ERLIN2: variants seen among roughly 807,000 people sequenced by gnomAD.
The protein encoded by ERLIN2 is erlin-2.
In ERLIN2, 22 loss-of-function variants were observed where a neutral mutation model predicts 41.5. That is an observed-to-expected ratio of 0.53 (90% CI 0.38 to 0.76). The LOEUF is 0.76. Among genes scored for constraint, ERLIN2 ranks in the 30% least tolerant of loss-of-function variants. ERLIN2 has a pLI of 0.00. For missense variants in ERLIN2, 247 were observed against 414.3 expected, an observed-to-expected ratio of 0.60 and a Z score of 3.51; for synonymous variants, 149 against 150.9, an observed-to-expected ratio of 0.99 and a Z score of 0.09.
In ERLIN2 at chr8:37,741,716, G is replaced by A. The variant is rs1802857087; in HGVS notation, c.190-56G>A. On this transcript the variant is annotated intron_variant, in intron 3 of 11. Transcript: ENST00000519638. The surrounding 1 kb of genome is among the most constrained non-coding windows in gnomAD (Gnocchi z 4.8). ...ACAAAGGCATTTAGGATTCTGAAAA[G>A]TAAGTTACTTTGTCACTGCCCATCT... 2 of 1,361,702 alleles carry A rather than the reference G, an allele frequency of 1.5e-6. No individual in the cohort carries two copies. The highest frequency in any genetic ancestry group is 2.1e-6 in the Non-Finnish European group (2 of 949,638). The allele number at this position is 1,361,702 out of a possible 1,614,324, so 84.4% of individuals were successfully genotyped here.
At position 37,736,662 on chromosome 8, in the gene ERLIN2, C is replaced by T. The variant is rs999796975; in HGVS notation, c.-32C>T. The T allele has an allele frequency of 1.0e-6, 1 of 985,660 alleles. No individual in the cohort carries two copies. The highest frequency in any genetic ancestry group is 1.2e-6 in the Non-Finnish European group (1 of 830,060). 61.1% of individuals were successfully genotyped at this position (985,660 alleles called of 1,614,324 possible). On this transcript the variant is annotated 5_prime_UTR_variant, in exon 1 of 12. Coordinates refer to ENST00000519638, the MANE Select transcript of ERLIN2 (RefSeq NM_007175.8). The stretch of plus-strand genomic sequence containing the variant: ...CGTGGGCTCGGACGAGTACGGAGCG[C>T]CTGCAGGGACAGCCTGGTACGCGGC...
chr8:37,744,210 C>T (rs2129677201), intron 4 of ERLIN2, 145 bp from the exon 5 acceptor site: 1 of 792,704 alleles, frequency 1.3e-6, no homozygotes, highest in Non-Finnish European at 2.3e-6. Flanking sequence ...GAACCTCCCA[C>T]TTGGAGATCC....
chr8:37,749,450 G>A, intron 6 of ERLIN2, 109 bp from the exon 7 acceptor site: 1 of 807,194 alleles, frequency 1.2e-6, no homozygotes, highest in Non-Finnish European at 2.2e-6. Flanking sequence ...CACTCCCTTG[G>A]GAAAGTACAT....
chr8:37,747,220 C>G (rs1024394211), intron 6 of ERLIN2: 15 of 686,516 alleles, frequency 2.2e-5, no homozygotes, highest in Non-Finnish European at 4.0e-5. Flanking sequence ...CAATGGGAAA[C>G]AACATAAAGC....
At chr8:37,753,596 C>G in intron 11 of ERLIN2, 67 bp downstream of exon 11, 1 of 1,456,194 alleles carries the variant, frequency 6.9e-7, no homozygotes, top group Non-Finnish European at 9.6e-7. Context: ...AGGAGAGTTT[C>G]CAGTGTTGAG....
chr8:37,737,798 G>C (rs1802704998), intron 1 of ERLIN2, 110 bp from the exon 2 acceptor site: 34 of 1,292,334 alleles, frequency 2.6e-5, no homozygotes, highest in Non-Finnish European at 3.7e-5. Flanking sequence ...ACGACACCAG[G>C]CTGGATATGA....
At chr8:37,736,920 G>C in intron 1 of ERLIN2, 1 of 986,018 alleles carries the variant, frequency 1.0e-6, no homozygotes, top group African/African-American at 1.7e-5. Context: ...TCGGAACGGG[G>C]CGGGGAAGGG....
chr8:37,753,608 G>A lies in ERLIN2; in HGVS notation c.819+79G>A, dbSNP rs1038353803. ...TGCAGGAGAGTTTCCAGTGTTGAGCGCCTGCCACCACCCAAAGCCCTTCAT... is the reference window on the plus strand; with the variant it reads ...TGCAGGAGAGTTTCCAGTGTTGAGCACCTGCCACCACCCAAAGCCCTTCAT... On this transcript the variant is annotated intron_variant, in intron 11 of 11. Transcript: ENST00000519638. The A allele has an allele frequency of 1.2e-4, 154 of 1,295,858 alleles. 1 individual carries two copies. In the Admixed American group the frequency reaches 1.7e-3, roughly 14 times the overall value. 80.3% of individuals were successfully genotyped at this position (1,295,858 alleles called of 1,614,324 possible). A position where few individuals can be genotyped will look rare whatever the true frequency, so the allele number is the denominator to read the frequency against.
intron 11 of ERLIN2, 79 bp from the exon 12 acceptor site, chr8:37,753,836 A>T: frequency 7.9e-7 from 1 of 1,270,432 alleles, no homozygotes; most frequent in Non-Finnish European, 1.1e-6. Flanking sequence ...TAAATATAGG[A>T]AAATTGAAGG....
chr8:37,745,664 C>G lies in ERLIN2; in HGVS notation c.424+968C>G, dbSNP rs925570477. ...CAGGAGGACTCATCCACATCGCCAG[C>G]AATCATAATTAAGCAAACCGCCTTT... On this transcript the variant is annotated intron_variant, in intron 6 of 11. Coordinates refer to ENST00000519638, the MANE Select transcript of ERLIN2 (RefSeq NM_007175.8). 4.3e-6 allele frequency: 7 copies of G among 1,613,034 alleles called. No homozygotes were observed. In the African/African-American group the frequency reaches 9.3e-5, roughly 22 times the overall value.
chr8:37,746,634 C>T (rs950743777), intron 6 of ERLIN2: 10 of 615,662 alleles, frequency 1.6e-5, no homozygotes, highest in Non-Finnish European at 2.0e-5. Flanking sequence ...ACTAGCTGCC[C>T]GACTAGAGGG....
At chr8:37,742,364 AG>A (rs1205029271) in intron 4 of ERLIN2, among the ~76,000 whole-genome samples, 4 of 151,400 alleles carry the variant, frequency 2.6e-5, no homozygotes, top group African/African-American at 9.7e-5. Context: ...AAAAGAAGTG[AG>A]GATCACTAGT....
intron 1 of ERLIN2, 99 bp from the exon 2 acceptor site, chr8:37,737,809 G>A (rs905008857): frequency 1.4e-6 from 2 of 1,432,818 alleles, no homozygotes; most frequent in Non-Finnish European, 1.9e-6. Context: ...CTGGATATGA[G>A]TCACTCGCAG....
At position 37,754,493 on chromosome 8, in the gene ERLIN2, A is replaced by G. The variant is rs890891717; in HGVS notation, c.*378A>G. On this transcript the variant is annotated 3_prime_UTR_variant, in exon 12 of 12. Coordinates refer to ENST00000519638, the MANE Select transcript of ERLIN2 (RefSeq NM_007175.8). ...TCCCTTACTTGGGAAAATGCAGTCC[A>G]GTGTTCTCACCTCTGCCTCCAAGGT... 2.1e-5 allele frequency: 7 copies of G among 330,648 alleles called. No homozygotes were observed. Among genetic ancestry groups the G allele is most frequent in the African/African-American group, 1.3e-4 (6 of 46,556 alleles). The allele number at this position is 330,648 out of a possible 1,614,324, so 20.5% of individuals were successfully genotyped here.
chr8:37,752,636 A>G (rs1298467015), intron 10 of ERLIN2, among the ~76,000 whole-genome samples: 1 of 152,218 alleles, frequency 6.6e-6, no homozygotes, highest in African/African-American at 2.4e-5. Flanking sequence ...ACCCACCCAC[A>G]GACTAACCTT....
rs1803388973 is a variant in ERLIN2, at chr8:37,757,584, G to A, written c.*3469G>A. The A allele has an allele frequency of 6.6e-6, 1 of 152,128 alleles. No homozygotes were observed. The highest frequency in any genetic ancestry group is 1.5e-5 in the Non-Finnish European group (1 of 68,024). The allele number at this position is 152,128 out of a possible 1,614,324, so 9.4% of individuals were successfully genotyped here. On this transcript the variant is annotated 3_prime_UTR_variant, in exon 12 of 12. Transcript: ENST00000519638. ...GATTGATTGCCGTGGGTTGATAGCT[G>A]GAGGAATTGTTTTGGACAATACTAA...
At chr8:37,743,784 A>T (rs140749471) in intron 4 of ERLIN2, among the ~76,000 whole-genome samples, 64 of 152,284 alleles carry the variant, frequency 4.2e-4, no homozygotes, top group African/African-American at 1.4e-3. Flanking sequence ...ACTGCAGCTT[A>T]CTTTGAAATG....
intron 10 of ERLIN2, among the ~76,000 whole-genome samples, chr8:37,752,917 G>T (rs1028310016): frequency 6.6e-6 from 1 of 152,212 alleles, no homozygotes; most frequent in Admixed American, 6.5e-5. Flanking sequence ...AAATAAAAGG[G>T]AATTGAAGTT....
Position 37,753,522 on chromosome 8 carries a change from C to A in ERLIN2, c.812C>A (p.Ala271Asp). 2 of 1,613,754 alleles carry A rather than the reference C, an allele frequency of 1.2e-6. No individual in the cohort carries two copies. Among genetic ancestry groups the A allele is most frequent in the Non-Finnish European group, 1.7e-6 (2 of 1,179,746 alleles). Residue 271 changes from alanine to aspartate, a missense_variant, in exon 11 of 12, where the codon GCC (alanine) becomes GAC (aspartate). Around this residue, in one of 3 missense-constraint regions of ERLIN2, gnomAD observed 153 missense variants for 256.4 expected, o/e 0.60. Coordinates refer to ENST00000519638, the MANE Select transcript of ERLIN2 (RefSeq NM_007175.8). ...ECYTAMKIAE[A>D]NKLKLTPEYL... ...TACACTGCTATGAAAATAGCCGAAG[C>A]CAATAAGGTAAAGACCCCGCACAGC... is the stretch of plus-strand genomic sequence containing the variant.
Sources: gnomAD v4.1 joint callset for allele counts (sites outside exome capture counted in the v4.1 genomes callset) on GRCh38, gnomAD v4.1.1 for gene constraint, gnomAD v4.1.1 regional missense constraint, Gnocchi (gnomAD v3.1) non-coding constraint, MANE v1.5 for transcripts, NCBI Gene and HGNC (gene_info 2026-07-23, HGNC 2026-07-21) for gene names.